CAMK1D: variants seen among roughly 807,000 people sequenced by gnomAD.
CAMK1D encodes the protein calcium/calmodulin-dependent protein kinase type 1D.
A neutral mutation model predicts 47.7 loss-of-function variants in CAMK1D; 9 were observed. That is an observed-to-expected ratio of 0.19 (90% confidence interval 0.11 to 0.33). The LOEUF (loss-of-function observed/expected upper bound fraction) is 0.33. Ranked by LOEUF, CAMK1D falls within the 10% of genes least tolerant of loss-of-function variation. The probability of loss-of-function intolerance (pLI) is 1.00; values close to 1 mark genes in which losing one functional copy is unlikely to be tolerated. For missense variants in CAMK1D, 291 were observed against 488.7 expected, an observed-to-expected ratio of 0.60 and a Z score of 3.81; for synonymous variants, 184 against 184.9, an observed-to-expected ratio of 0.99 and a Z score of 0.04.
At chr10:12,777,812 A>G (rs1237088360) in intron 5 of CAMK1D, among the ~76,000 whole-genome samples, 1 of 152,240 alleles carries the variant, frequency 6.6e-6, no homozygotes, top group Non-Finnish European at 1.5e-5. Context: ...TTCCGCAGCC[A>G]TGGCTTCTCC....
At chr10:12,351,113 C>G (rs1228821191) in intron 1 of CAMK1D, among the ~76,000 whole-genome samples, 1 of 152,100 alleles carries the variant, frequency 6.6e-6, no homozygotes, top group Non-Finnish European at 1.5e-5. Flanking sequence ...TCCCCTCACC[C>G]CCACGCAGAT....
chr10:12,634,316 A>G (rs1413180023), intron 2 of CAMK1D, among the ~76,000 whole-genome samples: 1 of 152,080 alleles, frequency 6.6e-6, no homozygotes, highest in Non-Finnish European at 1.5e-5. Flanking sequence ...TAAAACCAAA[A>G]AGCCCATCTG....
At chr10:12,435,536 C>G (rs1007304958) in intron 1 of CAMK1D, among the ~76,000 whole-genome samples, 1 of 151,738 alleles carries the variant, frequency 6.6e-6, no homozygotes, top group African/African-American at 2.4e-5. Flanking sequence ...CCCCTCCACT[C>G]CCAAGCAGCC....
chr10:12,764,350 C>T (rs934951011), intron 4 of CAMK1D, among the ~76,000 whole-genome samples: 1 of 111,382 alleles, frequency 9.0e-6, no homozygotes, highest in Non-Finnish European at 1.7e-5. Flanking sequence ...CATTGCACTC[C>T]AGTCTGGGCA....
At chr10:12,362,037 C>A (rs1837680220) in intron 1 of CAMK1D, among the ~76,000 whole-genome samples, 1 of 152,036 alleles carries the variant, frequency 6.6e-6, no homozygotes, top group South Asian at 2.1e-4. Context: ...GCCTATTAAA[C>A]TCTCTGCTCC....
intron 1 of CAMK1D, among the ~76,000 whole-genome samples, chr10:12,441,372 T>A (rs1279775271): frequency 1.3e-5 from 2 of 151,688 alleles, no homozygotes; most frequent in Non-Finnish European, 2.9e-5. Context: ...AGTTTTTGTA[T>A]TTTTTTTAGA....
chr10:12,469,538 C>A (rs971901712), intron 1 of CAMK1D, among the ~76,000 whole-genome samples: 4 of 152,114 alleles, frequency 2.6e-5, no homozygotes, highest in Non-Finnish European at 5.9e-5. Flanking sequence ...AATAAACAAC[C>A]CACCTTCCCC....
At chr10:12,515,044 G>A (rs981770542) in intron 1 of CAMK1D, among the ~76,000 whole-genome samples, 2 of 150,558 alleles carry the variant, frequency 1.3e-5, no homozygotes, top group Non-Finnish European at 3.0e-5. Context: ...TTTATTTTTA[G>A]TAGAGACGGG....
intron 3 of CAMK1D, among the ~76,000 whole-genome samples, chr10:12,668,918 A>G (rs1480225921): frequency 2.0e-5 from 3 of 151,526 alleles, no homozygotes; most frequent in Non-Finnish European, 3.0e-5. Flanking sequence ...GTTAAGAAAA[A>G]AAAAACAAAA....
intron 6 of CAMK1D, among the ~76,000 whole-genome samples, chr10:12,813,477 C>CT (rs1237403795): frequency 6.6e-6 from 1 of 152,162 alleles, no homozygotes; most frequent in Admixed American, 6.5e-5. Flanking sequence ...AGCTCATCCT[C>CT]TGTTAGGGAC....
At chr10:12,597,874 CAG>C (rs1838190880) in intron 2 of CAMK1D, among the ~76,000 whole-genome samples, 1 of 152,196 alleles carries the variant, frequency 6.6e-6, no homozygotes, top group Admixed American at 6.5e-5. Context: ...TCAGAACACT[CAG>C]AGACAGTTAC....
intron 4 of CAMK1D, among the ~76,000 whole-genome samples, chr10:12,761,586 C>T (rs1206585213): frequency 6.6e-6 from 1 of 152,014 alleles, no homozygotes; most frequent in Non-Finnish European, 1.5e-5. Context: ...GGGAAAAAGA[C>T]AGGTTAAAAG....
chr10:12,708,181 C>T (rs779097797), intron 3 of CAMK1D, among the ~76,000 whole-genome samples: 78 of 152,318 alleles, frequency 5.1e-4, no homozygotes, highest in African/African-American at 1.6e-3. Flanking sequence ...AGAGGTTCCA[C>T]GTATGCACCT....
intron 1 of CAMK1D, among the ~76,000 whole-genome samples, chr10:12,403,383 C>G (rs1254668664): frequency 6.6e-6 from 1 of 152,200 alleles, no homozygotes; most frequent in Admixed American, 6.5e-5. Context: ...AGTCCTCGCT[C>G]CGTGCCCACC....
At chr10:12,377,398 C>G (rs1430232571) in intron 1 of CAMK1D, among the ~76,000 whole-genome samples, 1 of 152,158 alleles carries the variant, frequency 6.6e-6, no homozygotes, top group Non-Finnish European at 1.5e-5. Context: ...TGTCCTTGTC[C>G]TCTTATATGA....
intron 2 of CAMK1D, among the ~76,000 whole-genome samples, chr10:12,576,195 T>A (rs530289971): frequency 3.2e-4 from 49 of 152,332 alleles, no homozygotes; most frequent in East Asian, 2.5e-3. Flanking sequence ...AAGTTTTAAA[T>A]TTACATAAGA....
chr10:12,639,958 C>T (rs868113009), intron 2 of CAMK1D, among the ~76,000 whole-genome samples: 150 of 152,308 alleles, frequency 9.8e-4, no homozygotes, highest in African/African-American at 3.3e-3. Context: ...CGCACAATTG[C>T]TGATTTCTGA....
chr10:12,615,546 G>A (rs1838760628), intron 2 of CAMK1D, among the ~76,000 whole-genome samples: 1 of 150,238 alleles, frequency 6.7e-6, no homozygotes, highest in Non-Finnish European at 1.5e-5. Context: ...ATGTGTACAT[G>A]TGTAGTTATG....
At chr10:12,641,371 C>T (rs1305316601) in intron 2 of CAMK1D, among the ~76,000 whole-genome samples, 1 of 152,044 alleles carries the variant, frequency 6.6e-6, no homozygotes, top group African/African-American at 2.4e-5. Flanking sequence ...CCTGTAATCC[C>T]AGCACTTTAG....
Sources: gnomAD v4.1 joint callset for allele counts (sites outside exome capture counted in the v4.1 genomes callset) on GRCh38, gnomAD v4.1.1 for gene constraint, MANE v1.5 for transcripts, NCBI Gene and HGNC (gene_info 2026-07-23, HGNC 2026-07-21) for gene names.